STK32B: variants seen among roughly 807,000 people sequenced by gnomAD.
STK32B encodes the protein serine/threonine kinase 32B, also known as serine/threonine-protein kinase 32B.
Under a neutral mutation model 52.6 loss-of-function variants are expected in STK32B, and 43 were observed. The observed-to-expected ratio is 0.82, with a 90% CI of 0.64 to 1.05. The LOEUF is 1.05. Among genes scored for constraint, STK32B ranks in the 50% least tolerant of loss-of-function variants. The probability of loss-of-function intolerance (pLI) is 0.00; values close to 1 mark genes in which losing one functional copy is unlikely to be tolerated. For synonymous variants in STK32B, 238 were observed against 204.3 expected, an observed-to-expected ratio of 1.17 and a Z score of -1.41; for missense variants, 621 against 534.6, an observed-to-expected ratio of 1.16 and a Z score of -1.59.
At chr4:5,490,543 T>C (rs376217171) in intron 11 of STK32B, among the ~76,000 whole-genome samples, 29 of 152,182 alleles carry the variant, frequency 1.9e-4, no homozygotes, top group African/African-American at 6.8e-4. Flanking sequence ...TATTTTATTA[T>C]AGCAGAGCCT....
chr4:5,379,825 A>G (rs1197765961), intron 4 of STK32B, among the ~76,000 whole-genome samples: 2 of 152,134 alleles, frequency 1.3e-5, no homozygotes, highest in Non-Finnish European at 2.9e-5. Flanking sequence ...GAGAAAGAAA[A>G]GTCTGTTGTT....
chr4:5,109,039 G>T (rs903059360), intron 1 of STK32B, among the ~76,000 whole-genome samples: 3 of 152,160 alleles, frequency 2.0e-5, no homozygotes, highest in Non-Finnish European at 4.4e-5. Context: ...TTTTCTCTCT[G>T]CTTCTTAATT....
At chr4:5,205,755 G>A (rs1722536239) in intron 3 of STK32B, among the ~76,000 whole-genome samples, 1 of 151,826 alleles carries the variant, frequency 6.6e-6, no homozygotes, top group South Asian at 2.1e-4. Flanking sequence ...TTTGAACTGT[G>A]TAAGCCTGGG....
chr4:5,390,205 C>A (rs1032658138), intron 4 of STK32B, among the ~76,000 whole-genome samples: 8 of 152,226 alleles, frequency 5.3e-5, no homozygotes, highest in Non-Finnish European at 1.2e-4. Flanking sequence ...GTGAGGATTA[C>A]ACAAGGAGCA....
intron 11 of STK32B, among the ~76,000 whole-genome samples, chr4:5,477,730 G>C (rs1056311011): frequency 6.6e-6 from 1 of 152,172 alleles, no homozygotes; most frequent in Non-Finnish European, 1.5e-5. Flanking sequence ...ACACGCTCCA[G>C]CCTGATGGTA....
intron 6 of STK32B, among the ~76,000 whole-genome samples, chr4:5,427,380 T>C (rs1407099830): frequency 6.6e-6 from 1 of 152,206 alleles, no homozygotes; most frequent in Non-Finnish European, 1.5e-5. Flanking sequence ...TGGTGTGGCT[T>C]TGGTATTAGA....
chr4:5,186,383 T>C (rs1306117704), intron 3 of STK32B, among the ~76,000 whole-genome samples: 1 of 152,092 alleles, frequency 6.6e-6, no homozygotes, highest in Non-Finnish European at 1.5e-5. Context: ...GTAGATTAAT[T>C]TATGTAGTGC....
chr4:5,251,042 G>C (rs58687129), intron 3 of STK32B, among the ~76,000 whole-genome samples: 13,135 of 152,068 alleles, frequency 0.086, 901 homozygotes, highest in African/African-American at 0.19. Context: ...TCTTTTGCGG[G>C]ACAGAAGCTC....
At chr4:5,344,106 C>T (rs1430534589) in intron 4 of STK32B, among the ~76,000 whole-genome samples, 1 of 152,248 alleles carries the variant, frequency 6.6e-6, no homozygotes, top group East Asian at 1.9e-4. Flanking sequence ...GAACTCATGC[C>T]TCCTGTGAAG....
At chr4:5,283,346 A>C (rs1395326732) in intron 3 of STK32B, among the ~76,000 whole-genome samples, 2 of 152,166 alleles carry the variant, frequency 1.3e-5, no homozygotes, top group Non-Finnish European at 2.9e-5. Flanking sequence ...AGAACAAAGA[A>C]GGCCATGGGA....
At chr4:5,023,880 G>A in the STK32B span, among the ~76,000 whole-genome samples, 1 of 152,134 alleles carries the variant, frequency 6.6e-6, no homozygotes, top group Non-Finnish European at 1.5e-5. Context: ...GACCCAGACT[G>A]GAACACAACC....
In STK32B at chr4:5,093,993, A is replaced by G. The variant is rs527811833; in HGVS notation, c.52+42078A>G. Among the ~76,000 whole-genome samples the G allele has an allele frequency of 1.4e-4, 22 of 152,330 alleles. 1 individual carries two copies. Among genetic ancestry groups the G allele is most frequent in the African/African-American group, 4.8e-4 (20 of 41,578 alleles). On this transcript the variant is annotated intron_variant, in intron 1 of 11. Transcript: ENST00000282908. ...TCTGCAGGGCGGTTGGTTGCCTGCCATTTCAAGAAAATGAATCCACGATAA... is the reference window on the plus strand; with the variant it reads ...TCTGCAGGGCGGTTGGTTGCCTGCCGTTTCAAGAAAATGAATCCACGATAA...
chr4:5,328,839 A>G (rs905509), intron 3 of STK32B, among the ~76,000 whole-genome samples: 29,493 of 152,052 alleles, frequency 0.19, 5,284 homozygotes, highest in African/African-American at 0.46. Flanking sequence ...GCGAGGCTGT[A>G]TTACTTACAT....
At chr4:5,091,414 G>T (rs1437147207) in intron 1 of STK32B, among the ~76,000 whole-genome samples, 1 of 151,894 alleles carries the variant, frequency 6.6e-6, no homozygotes, top group East Asian at 1.9e-4. Flanking sequence ...AATGAAAAAA[G>T]GATTTGAATA....
chr4:5,074,217 C>A (rs561200883), intron 1 of STK32B, among the ~76,000 whole-genome samples: 2 of 128,436 alleles, frequency 1.6e-5, no homozygotes, highest in African/African-American at 5.5e-5. Flanking sequence ...TGTGCGCGTG[C>A]GTGAAATATA....
At chr4:5,379,704 CTG>C (rs1176980617) in intron 4 of STK32B, among the ~76,000 whole-genome samples, 1 of 152,116 alleles carries the variant, frequency 6.6e-6, no homozygotes, top group African/African-American at 2.4e-5. Context: ...AAAGGGAAGA[CTG>C]TGGGAGGACG....
chr4:5,446,330 C>G (rs529356257), intron 6 of STK32B, among the ~76,000 whole-genome samples: 1 of 152,188 alleles, frequency 6.6e-6, no homozygotes, highest in South Asian at 2.1e-4. Flanking sequence ...CTTTGGGAGG[C>G]TGAGGCGGGC....
intron 4 of STK32B, among the ~76,000 whole-genome samples, chr4:5,382,394 T>G (rs1302989828): frequency 3.3e-5 from 5 of 152,132 alleles, no homozygotes; most frequent in African/African-American, 1.2e-4. Flanking sequence ...ACATGTAAAG[T>G]GCTGTGAACG....
chr4:5,116,184 G>GCACACACACACA (rs146380270), intron 1 of STK32B, among the ~76,000 whole-genome samples: 22 of 149,048 alleles, frequency 1.5e-4, no homozygotes, highest in African/African-American at 5.2e-4. Flanking sequence ...GTGCATGCAC[G>GCACACACACACA]CACACACACA....
Sources: allele counts gnomAD v4.1 joint callset (sites outside exome capture counted in the v4.1 genomes callset), GRCh38; gene constraint gnomAD v4.1.1; transcripts MANE v1.5; gene names NCBI Gene and HGNC (gene_info 2026-07-23, HGNC 2026-07-21).